KASH5: variants seen among roughly 807,000 people sequenced by gnomAD.
The protein encoded by KASH5 is protein KASH5.
Under a neutral mutation model 84.2 loss-of-function variants are expected in KASH5, and 72 were observed. That is an observed-to-expected ratio of 0.85 (90% confidence interval 0.71 to 1.04). KASH5 has a LOEUF of 1.04. Among genes scored for constraint, KASH5 ranks in the 50% least tolerant of loss-of-function variants. The pLI, the probability that KASH5 is intolerant of heterozygous loss-of-function variation, is 0.00. For missense variants in KASH5, 650 were observed against 701.0 expected, an observed-to-expected ratio of 0.93 and a Z score of 0.82; for synonymous variants, 260 against 279.1, an observed-to-expected ratio of 0.93 and a Z score of 0.68.
In KASH5 at chr19:49,417,757, C is replaced by A; in HGVS notation, c.*247C>A. ...TTATTCCCTCACAAAACAAGCCTGGCGAGGGCAGCTGTGGGCACACAGCTA... is the reference window on the plus strand; with the variant it reads ...TTATTCCCTCACAAAACAAGCCTGGAGAGGGCAGCTGTGGGCACACAGCTA... On this transcript the variant is annotated 3_prime_UTR_variant, in exon 20 of 20. Coordinates refer to ENST00000447857, the MANE Select transcript of KASH5 (RefSeq NM_144688.5). The surrounding 1 kb of genome is among the most constrained non-coding windows in gnomAD (Gnocchi z 5.2). 1 of 451,518 alleles carries A rather than the reference C, an allele frequency of 2.2e-6. No individual in the cohort carries two copies. The highest frequency in any genetic ancestry group is 3.6e-6 in the Non-Finnish European group (1 of 274,978). The allele number at this position is 451,518 out of a possible 1,614,324, so 28.0% of individuals were successfully genotyped here.
chr19:49,399,022 C>T lies in KASH5; in HGVS notation c.630-3C>T. 13 of 1,551,092 alleles carry T rather than the reference C, an allele frequency of 8.4e-6. No homozygotes were observed. Among genetic ancestry groups the T allele is most frequent in the Middle Eastern group, 1.7e-4 (1 of 5,990 alleles). On this transcript the variant is annotated splice_region_variant and splice_polypyrimidine_tract_variant and intron_variant, in intron 7 of 19. Transcript: ENST00000447857. This position sits in a 1 kb window ranked among gnomAD's most constrained non-coding sequence, Gnocchi z 4.4. ...TGGCTCATCTGCCCCCACCCGCATT[C>T]AGCACCCAGCAGGCCCTGCAGTTTG...
Position 49,399,472 on chromosome 19 carries a change from C to T in KASH5, c.763C>T (p.His255Tyr), listed in dbSNP as rs1974291274. ...QARQAEKEQQ[H>Y]LVAEMETLQE... The stretch of plus-strand genomic sequence containing the variant: ...GGTTGGTCAGGAAAAGGAGCAGCAG[C>T]ATCTGGTGGCTGAGATGGAGACTCT... Residue 255 changes from histidine to tyrosine, a missense_variant, in exon 9 of 20, where the codon CAT (histidine) becomes TAT (tyrosine). By Grantham distance (83) the His-to-Tyr change is moderately conservative. Transcript: ENST00000447857. The surrounding 1 kb of genome is among the most constrained non-coding windows in gnomAD (Gnocchi z 4.4). 3.1e-6 allele frequency: 5 copies of T among 1,611,568 alleles called. No homozygotes were observed. The highest frequency in any genetic ancestry group is 8.5e-7 in the Non-Finnish European group (1 of 1,179,022).
chr19:49,409,873 C>T lies in KASH5; in HGVS notation c.1267C>T (p.Gln423Ter), dbSNP rs1276481018. The T allele has an allele frequency of 6.2e-7, 1 of 1,613,402 alleles. No homozygotes were observed. Among genetic ancestry groups the T allele is most frequent in the South Asian group, 1.1e-5 (1 of 91,060 alleles). Reference sequence around the variant, plus strand: ...TCCATCTGAAGCCCCAGCTGGGGGACAGGTGAGCACAGGAAAAGCTCTGAA... The same window carrying T: ...TCCATCTGAAGCCCCAGCTGGGGGATAGGTGAGCACAGGAAAAGCTCTGAA... ...EFPSEAPAGGQRNFQGEPAHP... is the reference protein window; with the variant it reads ...EFPSEAPAGG The change falls in exon 15 of 20, where the codon CAG becomes TAG. Residue 423 changes from glutamine to a stop codon, truncating the protein, a stop_gained and splice_region_variant. Coordinates refer to ENST00000447857, the MANE Select transcript of KASH5 (RefSeq NM_144688.5). LOFTEE classifies it high-confidence loss of function.
rs1039786836 is a variant in KASH5, at chr19:49,405,982, G to A, written c.799-904G>A. Among the ~76,000 whole-genome samples the A allele has an allele frequency of 2.2e-3, 314 of 141,138 alleles. 2 individuals are homozygous for A. Among genetic ancestry groups the A allele is most frequent in the African/African-American group, 8.7e-3 (294 of 33,886 alleles). The allele number at this position is 141,138 out of a possible 152,430, so 92.6% of individuals were successfully genotyped here. A position where few individuals can be genotyped will look rare whatever the true frequency, so the allele number is the denominator to read the frequency against. On this transcript the variant is annotated intron_variant, in intron 9 of 19. Coordinates refer to ENST00000447857, the MANE Select transcript of KASH5 (RefSeq NM_144688.5). ...AAAAAAAAAAAAAAAAAAAAAATTAGCTGGGTGTTGTGGCAGGTGGCTGTA... is the reference window on the plus strand; with the variant it reads ...AAAAAAAAAAAAAAAAAAAAAATTAACTGGGTGTTGTGGCAGGTGGCTGTA...
intron 1 of KASH5, 145 bp from the exon 2 acceptor site, chr19:49,390,644 C>G (rs1297253753): frequency 8.0e-6 from 2 of 250,020 alleles, no homozygotes; most frequent in African/African-American, 2.4e-5. Flanking sequence ...ATCCATAAAA[C>G]AGGTCAGAGC....
rs1172629800 is a variant in KASH5, at chr19:49,395,623, T to G, written c.336-146T>G. On this transcript the variant is annotated intron_variant, in intron 4 of 19. Coordinates refer to ENST00000447857, the MANE Select transcript of KASH5 (RefSeq NM_144688.5). This position sits in a 1 kb window ranked among gnomAD's most constrained non-coding sequence, Gnocchi z 4.4. Reference sequence around the variant, plus strand: ...GCTTTTCCATCTGGCCACGGGCACTTGCCATCTGGCCTCACCCTCCTACCC... The same window carrying G: ...GCTTTTCCATCTGGCCACGGGCACTGGCCATCTGGCCTCACCCTCCTACCC... 1 of 781,520 alleles carries G rather than the reference T, an allele frequency of 1.3e-6. No homozygotes were observed. The highest frequency in any genetic ancestry group is 1.7e-5 in the African/African-American group (1 of 58,108). The allele number at this position is 781,520 out of a possible 1,614,324, so 48.4% of individuals were successfully genotyped here.
chr19:49,411,961 AAGGAAGG>A (rs1974731370), intron 15 of KASH5, among the ~76,000 whole-genome samples: 1 of 147,282 alleles, frequency 6.8e-6, no homozygotes, highest in African/African-American at 2.6e-5. Context: ...GGAAGGAAGG[AAGGAAGG>A]AAGGAAAGAA....
chr19:49,397,763 T>C, intron 6 of KASH5, 46 bp downstream of exon 6: 1 of 1,595,436 alleles, frequency 6.3e-7, no homozygotes, highest in Non-Finnish European at 8.6e-7. Context: ...CCACACCCTG[T>C]CCCCTCCAGC....
rs916546982 is a variant in KASH5 at position 49,414,351 on chromosome 19, A to G, written c.1329-600A>G. On this transcript the variant is annotated intron_variant, in intron 16 of 19. Transcript: ENST00000447857. This position sits in a 1 kb window ranked among gnomAD's most constrained non-coding sequence, Gnocchi z 4.5. Reference sequence around the variant, plus strand: ...ATTCGGCATGGGGAAGAGCTCCAACAGTTGAGTTCTGTGGGCTGGGAGGTC... The same window carrying G: ...ATTCGGCATGGGGAAGAGCTCCAACGGTTGAGTTCTGTGGGCTGGGAGGTC... Among the ~76,000 whole-genome samples the G allele has an allele frequency of 6.6e-6, 1 of 152,028 alleles. No individual in the cohort carries two copies. Among genetic ancestry groups the G allele is most frequent in the Admixed American group, 6.5e-5 (1 of 15,272 alleles).
In KASH5 at chr19:49,407,275, A is replaced by G. The variant is rs1359126122; in HGVS notation, c.912A>G (p.Gln304=). 6.2e-7 allele frequency: 1 copy of G among 1,613,780 alleles called. No individual in the cohort carries two copies. The highest frequency in any genetic ancestry group is 1.3e-5 in the African/African-American group (1 of 74,898). Reference sequence around the variant, plus strand: ...TTGAGTGTGAACACCTCATTTGCCAAAGAGACACCATCCTCTCTGAGGTAA... The same window carrying G: ...TTGAGTGTGAACACCTCATTTGCCAGAGAGACACCATCCTCTCTGAGGTAA... ...QLFECEHLIC[Q]RDTILSERTR... The change falls in exon 11 of 20, where the codon CAA becomes CAG. Residue 304 remains glutamine (Q), a synonymous_variant. Coordinates refer to ENST00000447857, the MANE Select transcript of KASH5 (RefSeq NM_144688.5).
chr19:49,399,024 G>T lies in KASH5; in HGVS notation c.630-1G>T, dbSNP rs1237831604. 6.4e-7 allele frequency: 1 copy of T among 1,550,888 alleles called. No homozygotes were observed. The highest frequency in any genetic ancestry group is 1.2e-5 in the South Asian group (1 of 83,972). Reference sequence around the variant, plus strand: ...GCTCATCTGCCCCCACCCGCATTCAGCACCCAGCAGGCCCTGCAGTTTGCC... The same window carrying T: ...GCTCATCTGCCCCCACCCGCATTCATCACCCAGCAGGCCCTGCAGTTTGCC... On this transcript the variant is annotated splice_acceptor_variant, in intron 7 of 19. Coordinates refer to ENST00000447857, the MANE Select transcript of KASH5 (RefSeq NM_144688.5). LOFTEE classifies it high-confidence loss of function. The surrounding 1 kb of genome is among the most constrained non-coding windows in gnomAD (Gnocchi z 4.4).
In KASH5 at chr19:49,407,611, G is replaced by A. The variant is rs1263702836; in HGVS notation, c.934-1G>A. 9 of 1,592,868 alleles carry A rather than the reference G, an allele frequency of 5.7e-6. No individual in the cohort carries two copies. The Admixed American group carries it at 1.6e-4, about 28-fold the overall frequency. On this transcript the variant is annotated splice_acceptor_variant, in intron 11 of 19. Coordinates refer to ENST00000447857, the MANE Select transcript of KASH5 (RefSeq NM_144688.5). LOFTEE classifies it high-confidence loss of function. ...TCTCATTTGGCTTTCGGCTTTCCTA[G>A]CGCACTCGCGATGTGGAGAGCCTGG...
chr19:49,417,354 C>G lies in KASH5; in HGVS notation c.1548-15C>G. 1 of 1,552,356 alleles carries G rather than the reference C, an allele frequency of 6.4e-7. No individual in the cohort carries two copies. Among genetic ancestry groups the G allele is most frequent in the Non-Finnish European group, 8.7e-7 (1 of 1,146,736 alleles). On this transcript the variant is annotated splice_polypyrimidine_tract_variant and intron_variant, in intron 19 of 19. Coordinates refer to ENST00000447857, the MANE Select transcript of KASH5 (RefSeq NM_144688.5). This position sits in a 1 kb window ranked among gnomAD's most constrained non-coding sequence, Gnocchi z 5.2. The stretch of plus-strand genomic sequence containing the variant: ...CCCAGACCCTGCCCTAAATGCTCTC[C>G]CACCTCCCCACCAGAGTCACTCGAC...
chr19:49,394,157 CTG>C (rs1974097744), intron 2 of KASH5, among the ~76,000 whole-genome samples: 1 of 152,176 alleles, frequency 6.6e-6, no homozygotes, highest in Non-Finnish European at 1.5e-5. Flanking sequence ...CTGTCCCTCT[CTG>C]AGTCCAGCCT....
Position 49,407,255 on chromosome 19 carries a change from T to G in KASH5, c.892T>G (p.Cys298Gly). 6.2e-7 allele frequency: 1 copy of G among 1,613,764 alleles called. No individual in the cohort carries two copies. The highest frequency in any genetic ancestry group is 8.5e-7 in the Non-Finnish European group (1 of 1,179,802). ...TTCTTGGCAGCGGCAGCTCTTTGAG[T>G]GTGAACACCTCATTTGCCAAAGAGA... ...KDTLKRQLFE[C>G]EHLICQRDTI... The change falls in exon 11 of 20, where the codon TGT becomes GGT. Residue 298 changes from cysteine (C) to glycine (G), a missense_variant. By Grantham distance (159) the Cys-to-Gly change is radical. Coordinates refer to ENST00000447857, the MANE Select transcript of KASH5 (RefSeq NM_144688.5).
intron 2 of KASH5, among the ~76,000 whole-genome samples, chr19:49,393,060 G>A (rs10409838): frequency 0.52 from 79,677 of 151,878 alleles, 21,142 homozygotes; most frequent in South Asian, 0.63. Context: ...ACTCACTGCA[G>A]AGAATCCTGG....
intron 7 of KASH5, among the ~76,000 whole-genome samples, chr19:49,398,734 G>A (rs1199606436): frequency 6.6e-6 from 1 of 152,062 alleles, no homozygotes; most frequent in African/African-American, 2.4e-5. Context: ...ATCTCTCTGT[G>A]CTTTGTCATT....
intron 9 of KASH5, among the ~76,000 whole-genome samples, chr19:49,402,389 CA>C (rs59636662): frequency 0.44 from 51,280 of 116,132 alleles, 9,250 homozygotes; most frequent in South Asian, 0.57. Flanking sequence ...CTCTATAAAA[CA>C]AAAAAAAACA....
chr19:49,415,235 A>C (rs896927732), intron 17 of KASH5: 28 of 580,158 alleles, frequency 4.8e-5, no homozygotes, highest in East Asian at 2.9e-4. Flanking sequence ...CCTCCCAGCC[A>C]CACACACAGG....
Sources: allele counts gnomAD v4.1 joint callset (sites outside exome capture counted in the v4.1 genomes callset), GRCh38; gene constraint gnomAD v4.1.1; non-coding constraint Gnocchi (gnomAD v3.1); transcripts MANE v1.5; gene names NCBI Gene and HGNC (gene_info 2026-07-23, HGNC 2026-07-21).